The following DXO variants were observed in gnomAD, a reference collection of about 807,000 sequenced individuals.
DXO encodes decapping exoribonuclease.
A neutral mutation model predicts 39.8 loss-of-function variants in DXO; 42 were observed. The observed-to-expected ratio is 1.06, with a 90% confidence interval of 0.83 to 1.37. The LOEUF (loss-of-function observed/expected upper bound fraction) is 1.37, where lower values mean the gene tolerates loss of function less well. DXO is among the 40% of genes most tolerant of loss of function. The probability of loss-of-function intolerance (pLI) is 0.00; values close to 1 mark genes in which losing one functional copy is unlikely to be tolerated. For missense variants in DXO, 495 were observed against 513.0 expected (o/e 0.96, Z 0.34); for synonymous variants, 193 against 200.4 (o/e 0.96, Z 0.31).
chr6:31,971,766 G>A lies in DXO; in HGVS notation c.-6-85C>T. 2 of 1,404,134 alleles carry A rather than the reference G, an allele frequency of 1.4e-6. No homozygotes were observed. The highest frequency in any genetic ancestry group is 1.9e-6 in the Non-Finnish European group (2 of 1,057,552). 87.0% of individuals were successfully genotyped at this position (1,404,134 alleles called of 1,614,324 possible). Reference sequence around the variant, plus strand: ...TGGTTTAGGACTAAGCGAGCCACCTGATCGCCAGGCTCTGGCCTTGAAACA... The same window carrying A: ...TGGTTTAGGACTAAGCGAGCCACCTAATCGCCAGGCTCTGGCCTTGAAACA... On this transcript the variant is annotated intron_variant, in intron 1 of 6. Transcript: ENST00000337523. The surrounding 1 kb of genome is among the most constrained non-coding windows in gnomAD (Gnocchi z 4.5).
At position 31,971,464 on chromosome 6, in the gene DXO, C is replaced by A. The variant is rs1268603140; in HGVS notation, c.212G>T (p.Ser71Ile). The A allele has an allele frequency of 1.9e-6, 3 of 1,614,004 alleles. No individual in the cohort carries two copies. In the African/African-American group the frequency reaches 4.0e-5, roughly 22 times the overall value. ...GCCTGGACCGTTAGTGGGGGGTGGG[C>A]TATAGTAGCGCAGGGCTCGGGCATC... The part of the protein sequence containing the change: ...HGDARALRYY[S>I]PPPTNGPGPN... The change falls in exon 2 of 7, where the codon AGC becomes ATC. Residue 71 changes from serine to isoleucine, a missense_variant. Coordinates refer to ENST00000337523, the MANE Select transcript of DXO (RefSeq NM_005510.4). The surrounding 1 kb of genome is among the most constrained non-coding windows in gnomAD (Gnocchi z 4.5).
rs772083599 is a variant in DXO, at chr6:31,969,970, G to C, written c.1098C>G (p.His366Gln). 6 of 1,613,968 alleles carry C rather than the reference G, an allele frequency of 3.7e-6. No homozygotes were observed. The African/African-American group carries it at 5.3e-5, about 14-fold the overall frequency. The change falls in exon 7 of 7, where the codon CAC becomes CAG. Residue 366 changes from histidine (H) to glutamine (Q), a missense_variant. Physicochemically the swap from His to Gln is conservative, Grantham distance 24. Transcript: ENST00000337523. This position sits in a 1 kb window ranked among gnomAD's most constrained non-coding sequence, Gnocchi z 6.1. ...GCAGGAAGGCGTAAGGTGCATCTTG[G>C]TGTACAGACACGGTGACTGGGCCGC... is the stretch of plus-strand genomic sequence containing the variant. The part of the protein sequence containing the change: ...EPGGPVTVSV[H>Q]QDAPYAFLPI...
rs1425443443 is a variant in DXO, at chr6:31,971,194, G to A, written c.357-47C>T. On this transcript the variant is annotated intron_variant, in intron 2 of 6. Transcript: ENST00000337523. The surrounding 1 kb of genome is among the most constrained non-coding windows in gnomAD (Gnocchi z 4.5). The stretch of plus-strand genomic sequence containing the variant: ...CTGAAGGTCTGACACAAGCATTAGT[G>A]AGATGCTCCCCTCGAAGAATAGTCT... 1.9e-6 allele frequency: 3 copies of A among 1,591,474 alleles called. No homozygotes were observed. The highest frequency in any genetic ancestry group is 2.6e-6 in the Non-Finnish European group (3 of 1,166,298).
At position 31,970,706 on chromosome 6, in the gene DXO, T is replaced by C. The variant is rs773407155; in HGVS notation, c.712A>G (p.Thr238Ala). ...TGTGTGGATGGGGCTTGGGGGTCTG[T>C]GCAGTCTACCTCCCCTGAGAAGAGC... is the stretch of plus-strand genomic sequence containing the variant. ...PLLFSGEVDC[T>A]DPQAPSTQPP... Residue 238 changes from threonine to alanine, a missense_variant, in exon 4 of 7, where the codon ACA becomes GCA. Thr to Ala is a moderately conservative substitution (Grantham distance 58). Coordinates refer to ENST00000337523, the MANE Select transcript of DXO (RefSeq NM_005510.4). The surrounding 1 kb of genome is among the most constrained non-coding windows in gnomAD (Gnocchi z 4.0). 6.2e-7 allele frequency: 1 copy of C among 1,612,810 alleles called. No individual in the cohort carries two copies. The highest frequency in any genetic ancestry group is 8.5e-7 in the Non-Finnish European group (1 of 1,179,990).
chr6:31,971,704 GT>G lies in DXO; in HGVS notation c.-6-24del, dbSNP rs1562682321. On this transcript the variant is annotated intron_variant, in intron 1 of 6. Coordinates refer to ENST00000337523, the MANE Select transcript of DXO (RefSeq NM_005510.4). This position sits in a 1 kb window ranked among gnomAD's most constrained non-coding sequence, Gnocchi z 4.5. ...GTCCTAAGACAAGCAGGGGTACAGAGTTTCCATTCTACAGAGGAGGCCTGGA... is the reference window on the plus strand; with the variant it reads ...GTCCTAAGACAAGCAGGGGTACAGAGTTCCATTCTACAGAGGAGGCCTGGA... The G allele has an allele frequency of 6.3e-7, 1 of 1,579,852 alleles. No homozygotes were observed. Among genetic ancestry groups the G allele is most frequent in the South Asian group, 1.1e-5 (1 of 88,870 alleles).
chr6:31,971,045 GGCTGCCA>G lies in DXO; in HGVS notation c.452_458del (p.Leu151ProfsTer10), dbSNP rs1304378957. ...GGTATAGTGTTCCCTGGAACCGGGA[GGCTGCCA>G]GCTGCCAGCCCTCCTGCCGCTCATA... On this transcript the variant is annotated frameshift_variant, in exon 3 of 7. Transcript: ENST00000337523. LOFTEE classifies it high-confidence loss of function. This position sits in a 1 kb window ranked among gnomAD's most constrained non-coding sequence, Gnocchi z 4.5. The G allele has an allele frequency of 1.2e-6, 2 of 1,613,022 alleles. No individual in the cohort carries two copies. The highest frequency in any genetic ancestry group is 1.1e-5 in the South Asian group (1 of 91,080).
At position 31,970,588 on chromosome 6, in the gene DXO, C is replaced by T. The variant is rs1773185009; in HGVS notation, c.812+18G>A. 6.2e-7 allele frequency: 1 copy of T among 1,612,710 alleles called. No homozygotes were observed. On this transcript the variant is annotated intron_variant, in intron 4 of 6. Transcript: ENST00000337523. This position sits in a 1 kb window ranked among gnomAD's most constrained non-coding sequence, Gnocchi z 4.0. ...CCTTCAAGCCTAAGCTCTCGCCCTG[C>T]CCACCCCGATCCTGAACCTGTAGAA... is the stretch of plus-strand genomic sequence containing the variant.
rs1163185657 is a variant in DXO, at chr6:31,970,754, T to C, written c.664A>G (p.Ser222Gly). 1.9e-6 allele frequency: 3 copies of C among 1,612,860 alleles called. No individual in the cohort carries two copies. The highest frequency in any genetic ancestry group is 2.2e-5 in the East Asian group (1 of 44,856). ...TNVAFCSVLR[S>G]RLGSHPLLFS... is the part of the protein sequence containing the mutation. ...AGCAGAGGGTGGCTTCCCAGGCGGC[T>C]GCGTAGCACAGAGCAGAAGGCCACG... Residue 222 changes from serine (S) to glycine (G), a missense_variant, in exon 4 of 7, where the codon AGC becomes GGC. Physicochemically the swap from Ser to Gly is moderately conservative, Grantham distance 56. Transcript: ENST00000337523. This position sits in a 1 kb window ranked among gnomAD's most constrained non-coding sequence, Gnocchi z 4.0.
chr6:31,971,000 C>G lies in DXO; in HGVS notation c.504G>C (p.Pro168=). The G allele has an allele frequency of 6.2e-7, 1 of 1,612,996 alleles. No individual in the cohort carries two copies. ...GTLYLSEVET[P]NARAQRLARP... Reference sequence around the variant, plus strand: ...GAGCAAGCCTCTGGGCCCGAGCGTTCGGTGTCTCCACTTCACTCAGGTATA... The same window carrying G: ...GAGCAAGCCTCTGGGCCCGAGCGTTGGGTGTCTCCACTTCACTCAGGTATA... The change falls in exon 3 of 7, where the codon CCG becomes CCC. Residue 168 remains proline (P), a synonymous_variant. Coordinates refer to ENST00000337523, the MANE Select transcript of DXO (RefSeq NM_005510.4). The surrounding 1 kb of genome is among the most constrained non-coding windows in gnomAD (Gnocchi z 4.0).
chr6:31,970,517 C>T lies in DXO; in HGVS notation c.813-39G>A. On this transcript the variant is annotated intron_variant, in intron 4 of 6. Coordinates refer to ENST00000337523, the MANE Select transcript of DXO (RefSeq NM_005510.4). The surrounding 1 kb of genome is among the most constrained non-coding windows in gnomAD (Gnocchi z 4.0). The stretch of plus-strand genomic sequence containing the variant: ...CAAGGGATCAGTGGGACCCCTCGTG[C>T]ACCCTCCATTCTGCCTTCACCCTCC... The T allele has an allele frequency of 6.2e-7, 1 of 1,613,820 alleles. No homozygotes were observed. The highest frequency in any genetic ancestry group is 1.3e-5 in the African/African-American group (1 of 74,962).
In DXO at chr6:31,971,471, A is replaced by C. The variant is rs1562681181; in HGVS notation, c.205T>G (p.Tyr69Asp). The C allele has an allele frequency of 1.2e-6, 2 of 1,614,090 alleles. No homozygotes were observed. Among genetic ancestry groups the C allele is most frequent in the Non-Finnish European group, 1.7e-6 (2 of 1,180,004 alleles). ...CCGTTAGTGGGGGGTGGGCTATAGT[A>C]GCGCAGGGCTCGGGCATCTCCATGG... ...QYHGDARALR[Y>D]YSPPPTNGPG... is the part of the protein sequence containing the mutation. Residue 69 changes from tyrosine (Y) to aspartate (D), a missense_variant, in exon 2 of 7, where the codon TAC (tyrosine) becomes GAC (aspartate). By Grantham distance (160) the Tyr-to-Asp change is radical. Transcript: ENST00000337523. The surrounding 1 kb of genome is among the most constrained non-coding windows in gnomAD (Gnocchi z 4.5).
At position 31,971,143 on chromosome 6, in the gene DXO, G is replaced by A; in HGVS notation, c.361C>T (p.Pro121Ser). The A allele has an allele frequency of 6.2e-7, 1 of 1,612,048 alleles. No individual in the cohort carries two copies. The highest frequency in any genetic ancestry group is 8.5e-7 in the Non-Finnish European group (1 of 1,179,564). The change falls in exon 3 of 7, where the codon CCA becomes TCA. Residue 121 changes from proline to serine, a missense_variant. Coordinates refer to ENST00000337523, the MANE Select transcript of DXO (RefSeq NM_005510.4). This position sits in a 1 kb window ranked among gnomAD's most constrained non-coding sequence, Gnocchi z 4.5. Reference sequence around the variant, plus strand: ...ACTATGGCCTCTGCCAGCCAGCCTGGACCCCTGAGAGGCAGGAGTTACAGG... The same window carrying A: ...ACTATGGCCTCTGCCAGCCAGCCTGAACCCCTGAGAGGCAGGAGTTACAGG... ...LEHRGRLEGG[P>S]GWLAEAIVTW... is the part of the protein sequence containing the mutation.
Position 31,971,455 on chromosome 6 carries a change from G to A in DXO, c.221C>T (p.Pro74Leu), listed in dbSNP as rs147640853. 9.3e-5 allele frequency: 150 copies of A among 1,613,772 alleles called. 2 individuals are homozygous for A. The highest frequency in any genetic ancestry group is 1.4e-5 in the Non-Finnish European group (16 of 1,179,828). The change falls in exon 2 of 7, where the codon CCC becomes CTC. Residue 74 changes from proline to leucine, a missense_variant. Coordinates refer to ENST00000337523, the MANE Select transcript of DXO (RefSeq NM_005510.4). This position sits in a 1 kb window ranked among gnomAD's most constrained non-coding sequence, Gnocchi z 4.5. The part of the protein sequence containing the change: ...ARALRYYSPP[P>L]TNGPGPNFDL... Reference sequence around the variant, plus strand: ...AAAGTTGGGGCCTGGACCGTTAGTGGGGGGTGGGCTATAGTAGCGCAGGGC... The same window carrying A: ...AAAGTTGGGGCCTGGACCGTTAGTGAGGGGTGGGCTATAGTAGCGCAGGGC...
chr6:31,970,862 C>T lies in DXO; in HGVS notation c.593-37G>A. 6.2e-7 allele frequency: 1 copy of T among 1,611,592 alleles called. No homozygotes were observed. The highest frequency in any genetic ancestry group is 8.5e-7 in the Non-Finnish European group (1 of 1,178,954). On this transcript the variant is annotated intron_variant, in intron 3 of 6. Transcript: ENST00000337523. This position sits in a 1 kb window ranked among gnomAD's most constrained non-coding sequence, Gnocchi z 4.0. ...GAGAAGCAGCAGCAGGCGTGGGGGG[C>T]TCTCAACCTCTGGGAAGGGGAAGGG...
Position 31,972,036 on chromosome 6 carries a change from C to G in DXO, c.-114G>C. 6.2e-7 allele frequency: 1 copy of G among 1,611,050 alleles called. No individual in the cohort carries two copies. On this transcript the variant is annotated 5_prime_UTR_variant, in exon 1 of 7. Coordinates refer to ENST00000337523, the MANE Select transcript of DXO (RefSeq NM_005510.4). This position sits in a 1 kb window ranked among gnomAD's most constrained non-coding sequence, Gnocchi z 6.3. ...TTCTGCTTTCGATGATGCAATCATT[C>G]AGCGACAGTGGCGGGCAAACCCCTC...
In DXO at chr6:31,970,347, A is replaced by T; in HGVS notation, c.944T>A (p.Val315Asp). ...TFPTMKMFEY[V>D]RNDRDGWNPS... ...GCTGCAACATCGTTCCCTTACCCTG[A>T]CATATTCAAACATCTTCATGGTAGG... The change falls in exon 5 of 7, where the codon GTC becomes GAC. Residue 315 changes from valine (V) to aspartate (D), a missense_variant. Coordinates refer to ENST00000337523, the MANE Select transcript of DXO (RefSeq NM_005510.4). This position sits in a 1 kb window ranked among gnomAD's most constrained non-coding sequence, Gnocchi z 4.0. The T allele has an allele frequency of 6.2e-7, 1 of 1,614,028 alleles. No individual in the cohort carries two copies. The highest frequency in any genetic ancestry group is 8.5e-7 in the Non-Finnish European group (1 of 1,179,982).
Position 31,970,596 on chromosome 6 carries a change from G to T in DXO, c.812+10C>A. On this transcript the variant is annotated intron_variant, in intron 4 of 6. Coordinates refer to ENST00000337523, the MANE Select transcript of DXO (RefSeq NM_005510.4). This position sits in a 1 kb window ranked among gnomAD's most constrained non-coding sequence, Gnocchi z 4.0. Reference sequence around the variant, plus strand: ...CCTAAGCTCTCGCCCTGCCCACCCCGATCCTGAACCTGTAGAAACTCCTCC... The same window carrying T: ...CCTAAGCTCTCGCCCTGCCCACCCCTATCCTGAACCTGTAGAAACTCCTCC... The T allele has an allele frequency of 6.2e-7, 1 of 1,612,690 alleles. No homozygotes were observed. The highest frequency in any genetic ancestry group is 8.5e-7 in the Non-Finnish European group (1 of 1,179,380).
rs1387693114 is a variant in DXO, at chr6:31,971,858, C to A, written c.-7+71G>T. 2.9e-6 allele frequency: 4 copies of A among 1,397,616 alleles called. No homozygotes were observed. Among genetic ancestry groups the A allele is most frequent in the Non-Finnish European group, 3.8e-6 (4 of 1,049,586 alleles). 86.6% of individuals were successfully genotyped at this position (1,397,616 alleles called of 1,614,324 possible). On this transcript the variant is annotated intron_variant, in intron 1 of 6. Coordinates refer to ENST00000337523, the MANE Select transcript of DXO (RefSeq NM_005510.4). The surrounding 1 kb of genome is among the most constrained non-coding windows in gnomAD (Gnocchi z 4.5). ...GCCTCTTTCCTTGCCCTTCACCCAC[C>A]CTCCCTCCAGGTCCTCCAAATGCAG... is the stretch of plus-strand genomic sequence containing the variant.
Position 31,970,734 on chromosome 6 carries a change from AG to A in DXO, c.683del (p.Pro228LeufsTer8), listed in dbSNP as rs1176264470. 5 of 1,612,830 alleles carry A rather than the reference AG, an allele frequency of 3.1e-6. No individual in the cohort carries two copies. The highest frequency in any genetic ancestry group is 4.2e-6 in the Non-Finnish European group (5 of 1,179,990). ...AGTCTACCTCCCCTGAGAAGAGCAG[AG>A]GGTGGCTTCCCAGGCGGCTGCGTAG... is the stretch of plus-strand genomic sequence containing the variant. ...SVLRSRLGSH[P>X]LLFSGEVDCT... is the part of the protein sequence containing the mutation. On this transcript the variant is annotated frameshift_variant, in exon 4 of 7. Coordinates refer to ENST00000337523, the MANE Select transcript of DXO (RefSeq NM_005510.4). LOFTEE classifies it high-confidence loss of function. The surrounding 1 kb of genome is among the most constrained non-coding windows in gnomAD (Gnocchi z 4.0).
Sources: gnomAD v4.1 joint callset for allele counts on GRCh38, gnomAD v4.1.1 for gene constraint, Gnocchi (gnomAD v3.1) non-coding constraint, MANE v1.5 for transcripts, NCBI Gene and HGNC (gene_info 2026-07-23, HGNC 2026-07-21) for gene names.